SACS: variants seen among roughly 807,000 people sequenced by gnomAD.
SACS encodes the protein sacsin molecular chaperone.
A neutral mutation model predicts 348.0 loss-of-function variants in SACS; 197 were observed. That is an observed-to-expected ratio of 0.57 (90% CI 0.50 to 0.64). The LOEUF (loss-of-function observed/expected upper bound fraction) is 0.64, where lower values mean the gene tolerates loss of function less well. Ranked by LOEUF, SACS falls within the 30% of genes least tolerant of loss-of-function variation. The probability of loss-of-function intolerance (pLI) is 0.00; values close to 1 mark genes in which losing one functional copy is unlikely to be tolerated. For missense variants in SACS, 4,999 were observed against 5,360.8 expected, an observed-to-expected ratio of 0.93 and a Z score of 2.11; for synonymous variants, 1,985 against 1,910.6, an observed-to-expected ratio of 1.04 and a Z score of -1.02.
In SACS at chr13:23,334,771, T is replaced by C. The variant is rs1868422039; in HGVS notation, c.9105A>G (p.Leu3035=). The C allele has an allele frequency of 6.2e-7, 1 of 1,613,698 alleles. No homozygotes were observed. Among genetic ancestry groups the C allele is most frequent in the African/African-American group, 1.3e-5 (1 of 74,916 alleles). Residue 3035 remains leucine, a synonymous_variant, in exon 10 of 10, where the codon TTA becomes TTG. Coordinates refer to ENST00000382292, the MANE Select transcript of SACS (RefSeq NM_014363.6). ...PFFDNLLQDE[L]QHLKNADYNI... ...TATAATCTGCATTTTTAAGGTGTTGTAATTCATCCTGTAGTAAATTGTCAA... is the reference window on the plus strand; with the variant it reads ...TATAATCTGCATTTTTAAGGTGTTGCAATTCATCCTGTAGTAAATTGTCAA...
intron 2 of SACS, among the ~76,000 whole-genome samples, chr13:23,405,694 C>G (rs1468299642): frequency 7.3e-5 from 11 of 149,826 alleles, no homozygotes; most frequent in Admixed American, 7.3e-4. Flanking sequence ...AACAAATCTA[C>G]AAGGAAAAAA....
intron 1 of SACS, among the ~76,000 whole-genome samples, chr13:23,430,931 G>T (rs1235490493): frequency 6.6e-6 from 1 of 152,144 alleles, no homozygotes; most frequent in Non-Finnish European, 1.5e-5. Context: ...CCTTGAGGGG[G>T]ATACCATGGT....
At position 23,341,382 on chromosome 13, in the gene SACS, A is replaced by G. The variant is rs549957998; in HGVS notation, c.2494T>C (p.Ser832Pro). The change falls in exon 10 of 10, where the codon TCT becomes CCT. Residue 832 changes from serine (S) to proline (P), a missense_variant. By Grantham distance (74) the Ser-to-Pro change is moderately conservative. Around this residue, in one of 6 missense-constraint regions of SACS, gnomAD observed 3,156 missense variants for 3,380.1 expected, o/e 0.93. Coordinates refer to ENST00000382292, the MANE Select transcript of SACS (RefSeq NM_014363.6). ...AAAAATTCTGGAAGCTGTGCTTCAG[A>G]TTCATCGTCTAAAATGACTAACGAT... ...IPSLVILDDE[S>P]EAQLPEFLAD... The G allele has an allele frequency of 5.6e-5, 90 of 1,609,666 alleles. No individual in the cohort carries two copies. The East Asian group carries it at 1.9e-3, about 34-fold the overall frequency.
chr13:23,347,697 T>A (rs1463975040), intron 9 of SACS, among the ~76,000 whole-genome samples: 1 of 152,068 alleles, frequency 6.6e-6, no homozygotes. Flanking sequence ...CTTAAACAGG[T>A]ACCAGTGTGT....
chr13:23,388,487 G>GTATATA (rs71100176), intron 2 of SACS, among the ~76,000 whole-genome samples: 1 of 140,192 alleles, frequency 7.1e-6, no homozygotes, highest in African/African-American at 2.7e-5. Flanking sequence ...TGGTGTGTGT[G>GTATATA]TATATATATA....
intron 1 of SACS, among the ~76,000 whole-genome samples, chr13:23,430,563 CTAAAG>C (rs1874394456): frequency 6.6e-6 from 1 of 152,032 alleles, no homozygotes; most frequent in African/African-American, 2.4e-5. Flanking sequence ...AGGAAAAAGG[CTAAAG>C]TAGTACTATG....
chr13:23,395,198 G>C (rs1223105544), intron 2 of SACS, among the ~76,000 whole-genome samples: 1 of 135,334 alleles, frequency 7.4e-6, no homozygotes, highest in Non-Finnish European at 1.6e-5. Flanking sequence ...TAGAGGCTGG[G>C]TCAGAGTCCT....
chr13:23,336,648 C>G lies in SACS; in HGVS notation c.7228G>C (p.Glu2410Gln). 2 of 1,613,830 alleles carry G rather than the reference C, an allele frequency of 1.2e-6. No individual in the cohort carries two copies. The highest frequency in any genetic ancestry group is 1.7e-6 in the Non-Finnish European group (2 of 1,179,892). The change falls in exon 10 of 10, where the codon GAA becomes CAA. Residue 2410 changes from glutamate to glutamine, a missense_variant. Physicochemically the swap from Glu to Gln is conservative, Grantham distance 29. This residue lies in a region of SACS where 3,156 missense variants were observed against 3,380.1 expected (regional missense o/e 0.93). Transcript: ENST00000382292. ...FALVLESIDQ[E>Q]RGTKQITEEN... ...TCTGTTATTTGCTTTGTTCCTCTTT[C>G]TTGATCAATAGATTCCAAAACAAGA...
chr13:23,342,036 C>T (rs964055230), intron 9 of SACS, among the ~76,000 whole-genome samples: 1 of 152,044 alleles, frequency 6.6e-6, no homozygotes, highest in Non-Finnish European at 1.5e-5. Context: ...ACCCACCCGC[C>T]TTGGCCTCCC....
chr13:23,329,268 G>T lies in SACS; in HGVS notation c.*868C>A. 1.9e-6 allele frequency: 1 copy of T among 517,726 alleles called. No individual in the cohort carries two copies. 32.1% of individuals were successfully genotyped at this position (517,726 alleles called of 1,614,324 possible). A position where few individuals can be genotyped will look rare whatever the true frequency, so the allele number is the denominator to read the frequency against. ...AGAAAAGGTTGTTTTTTTTTTAACT[G>T]CAGCACCTTTAGACAACAAAAGATT... On this transcript the variant is annotated 3_prime_UTR_variant, in exon 10 of 10. Coordinates refer to ENST00000382292, the MANE Select transcript of SACS (RefSeq NM_014363.6).
In SACS at chr13:23,411,230, T is replaced by C; in HGVS notation, c.10A>G (p.Lys4Glu). MET[K>E]ENRWVPVTVL... ...CATTAACTCATTTACCTGTTCTCCTTGGTCTCCATGATCACTTCTCCTGGG... is the reference window on the plus strand; with the variant it reads ...CATTAACTCATTTACCTGTTCTCCTCGGTCTCCATGATCACTTCTCCTGGG... Residue 4 changes from lysine to glutamate, a missense_variant, in exon 2 of 10, where the codon AAG becomes GAG. Lys to Glu is a moderately conservative substitution (Grantham distance 56, BLOSUM62 1). This residue lies in a region of SACS where 3,156 missense variants were observed against 3,380.1 expected (regional missense o/e 0.93). Transcript: ENST00000382292. The C allele has an allele frequency of 6.2e-7, 1 of 1,607,348 alleles. No individual in the cohort carries two copies. Among genetic ancestry groups the C allele is most frequent in the Non-Finnish European group, 8.5e-7 (1 of 1,173,892 alleles).
In SACS at chr13:23,355,477, A is replaced by G. The variant is rs773301667; in HGVS notation, c.1135T>C (p.Leu379=). 6.2e-7 allele frequency: 1 copy of G among 1,614,132 alleles called. No individual in the cohort carries two copies. Among genetic ancestry groups the G allele is most frequent in the Non-Finnish European group, 8.5e-7 (1 of 1,180,004 alleles). The stretch of plus-strand genomic sequence containing the variant: ...GCATCCTTAGTACTCTCCTCTTCTA[A>G]AACAATATTTACGTGATATGTTACA... The part of the protein sequence containing the change: ...TCVTYHVNIV[L]EEESTKDAQK... Residue 379 remains leucine, a synonymous_variant, in exon 8 of 10, where the codon TTA becomes CTA. Transcript: ENST00000382292.
At chr13:23,358,251 T>A (rs889554958) in intron 7 of SACS, 84 bp downstream of exon 7, 1 of 1,433,938 alleles carries the variant, frequency 7.0e-7, no homozygotes, top group African/African-American at 1.4e-5. Flanking sequence ...TTAAACAGTA[T>A]CACCTCTGAA....
intron 6 of SACS, among the ~76,000 whole-genome samples, chr13:23,363,144 G>A (rs1325234138): frequency 6.6e-6 from 1 of 151,872 alleles, no homozygotes; most frequent in African/African-American, 2.4e-5. Flanking sequence ...CCTGACCTCA[G>A]GTGATCTGTC....
Position 23,338,177 on chromosome 13 carries a change from C to T in SACS, c.5699G>A (p.Trp1900Ter). 6.2e-7 allele frequency: 1 copy of T among 1,614,112 alleles called. No individual in the cohort carries two copies. The highest frequency in any genetic ancestry group is 1.1e-5 in the South Asian group (1 of 91,078). The change falls in exon 10 of 10, where the codon TGG becomes TAG. Residue 1900 changes from tryptophan (W) to a stop codon, truncating the protein, a stop_gained. Coordinates refer to ENST00000382292, the MANE Select transcript of SACS (RefSeq NM_014363.6). LOFTEE classifies it high-confidence loss of function. ...FAVTSNRKEI[W>*]KTDTKGRWNT... is the part of the protein sequence containing the mutation. ...CCATCGTCCTTTTGTATCTGTTTTC[C>T]AGATTTCTTTCCTATTTGATGTAAC...
intron 1 of SACS, among the ~76,000 whole-genome samples, chr13:23,418,624 G>A (rs569690722): frequency 1.3e-5 from 2 of 152,206 alleles, no homozygotes; most frequent in South Asian, 4.2e-4. Flanking sequence ...GCCTGCCTCA[G>A]CTGTCTGAGT....
intron 7 of SACS, among the ~76,000 whole-genome samples, chr13:23,357,159 T>C (rs1870446020): frequency 6.6e-6 from 1 of 152,230 alleles, no homozygotes; most frequent in Admixed American, 6.5e-5. Flanking sequence ...ATGCAGGTGC[T>C]GGGCAATTAG....
intron 1 of SACS, among the ~76,000 whole-genome samples, chr13:23,429,888 G>T (rs1874366066): frequency 6.6e-6 from 1 of 152,010 alleles, no homozygotes; most frequent in Admixed American, 6.6e-5. Context: ...TTGTAATCAG[G>T]ATTGTCTCTG....
chr13:23,349,909 G>A (rs770171173), intron 9 of SACS, among the ~76,000 whole-genome samples: 3 of 152,198 alleles, frequency 2.0e-5, no homozygotes, highest in Non-Finnish European at 2.9e-5. Flanking sequence ...AGACTAGGGT[G>A]GTGACTGAAG....
Sources: gnomAD v4.1 joint callset for allele counts (sites outside exome capture counted in the v4.1 genomes callset) on GRCh38, gnomAD v4.1.1 for gene constraint, gnomAD v4.1.1 regional missense constraint, MANE v1.5 for transcripts, NCBI Gene and HGNC (gene_info 2026-07-23, HGNC 2026-07-21) for gene names.